Variants in CXADR observed in about 807,000 individuals in gnomAD.
The protein encoded by CXADR is coxsackievirus and adenovirus receptor.
CXADR carries 20 observed loss-of-function variants against 40.3 expected under a neutral mutation model. The observed-to-expected ratio is 0.50, with a 90% CI of 0.35 to 0.72. CXADR has a LOEUF of 0.72. CXADR is among the 30% of genes least tolerant of loss of function. The pLI, the probability that CXADR is intolerant of heterozygous loss-of-function variation, is 0.01. For missense variants in CXADR, 332 were observed against 449.1 expected (o/e 0.74, Z 2.36); for synonymous variants, 150 against 161.3 (o/e 0.93, Z 0.53).
chr21:17,616,212 C>T, the CXADR span, among the ~76,000 whole-genome samples: 3 of 151,224 alleles, frequency 2.0e-5, no homozygotes, highest in Non-Finnish European at 4.4e-5. Flanking sequence ...GATCATCGTG[C>T]TCTGCACTCC....
chr21:17,601,656 CCA>C, the CXADR span, among the ~76,000 whole-genome samples: 4 of 152,190 alleles, frequency 2.6e-5, no homozygotes, highest in Admixed American at 6.5e-5. Flanking sequence ...CATGTCCCCT[CCA>C]CAGTTGGAAG....
chr21:17,526,868 T>A (rs1208564604), intron 1 of CXADR, among the ~76,000 whole-genome samples: 1 of 152,204 alleles, frequency 6.6e-6, no homozygotes, highest in Non-Finnish European at 1.5e-5. Context: ...ATAGTCACTT[T>A]TCCTGTCTCA....
the CXADR span, among the ~76,000 whole-genome samples, chr21:17,628,667 A>C: frequency 6.6e-6 from 1 of 151,960 alleles, no homozygotes; most frequent in African/African-American, 2.4e-5. Context: ...CGCCCAGCTA[A>C]TTTTTTTGTA....
chr21:17,635,852 C>T, the CXADR span, among the ~76,000 whole-genome samples: 2 of 152,124 alleles, frequency 1.3e-5, no homozygotes, highest in South Asian at 4.1e-4. Context: ...TATTAGAATG[C>T]CTTGAATATA....
chr21:17,586,832 C>T (rs1160693602), intron 7 of CXADR, among the ~76,000 whole-genome samples: 1 of 152,058 alleles, frequency 6.6e-6, no homozygotes, highest in Non-Finnish European at 1.5e-5. Context: ...TGGTGTGCTG[C>T]ACTCATTAAC....
rs146055500 is a variant in CXADR, at chr21:17,548,616, C to T, written c.210+1423C>T. Among the ~76,000 whole-genome samples, 856 of 151,906 alleles carry T rather than the reference C, an allele frequency of 5.6e-3. 3 individuals are homozygous for T. Among genetic ancestry groups the T allele is most frequent in the African/African-American group, 0.02 (825 of 41,524 alleles). On this transcript the variant is annotated intron_variant, in intron 2 of 6. Coordinates refer to ENST00000284878, the MANE Select transcript of CXADR (RefSeq NM_001338.5). ...TAGAGCCCAGGACTCTGATCCTGTGCGTAAGATAGGGGAAGCCTAGGAACC... is the reference window on the plus strand; with the variant it reads ...TAGAGCCCAGGACTCTGATCCTGTGTGTAAGATAGGGGAAGCCTAGGAACC...
At chr21:17,620,895 T>C in the CXADR span, among the ~76,000 whole-genome samples, 2 of 152,210 alleles carry the variant, frequency 1.3e-5, no homozygotes, top group Non-Finnish European at 2.9e-5. Flanking sequence ...GTTCGAAATC[T>C]ACAGGGCAAG....
chr21:17,520,039 C>T (rs1408980445), intron 1 of CXADR, among the ~76,000 whole-genome samples: 1 of 151,962 alleles, frequency 6.6e-6, no homozygotes, highest in Non-Finnish European at 1.5e-5. Context: ...TATATATTTG[C>T]ACCTCAACCC....
chr21:17,632,595 T>C, the CXADR span, among the ~76,000 whole-genome samples: 2 of 152,148 alleles, frequency 1.3e-5, no homozygotes, highest in Non-Finnish European at 2.9e-5. Context: ...AGGCCGGGCG[T>C]GGTGGCTCAC....
In CXADR at chr21:17,560,012, C is replaced by T. The variant is rs139607643; in HGVS notation, c.572-690C>T. 5.6e-3 allele frequency among the ~76,000 whole-genome samples: 846 copies of T among 151,596 alleles called. 9 individuals are homozygous for T. Among genetic ancestry groups the T allele is most frequent in the South Asian group, 0.034 (164 of 4,812 alleles). On this transcript the variant is annotated intron_variant, in intron 4 of 6. Coordinates refer to ENST00000284878, the MANE Select transcript of CXADR (RefSeq NM_001338.5). ...TGATGAGACATGTTCATGATTACAA[C>T]TTAGATGGTGGCTAAAGTATAGTAA...
At chr21:17,596,362 G>A (rs2061503943), downstream of CXADR, among the ~76,000 whole-genome samples, 1 of 151,926 alleles carries the variant, frequency 6.6e-6, no homozygotes, top group Non-Finnish European at 1.5e-5. Context: ...ATATTTGCCT[G>A]TCACAAAATA....
At chr21:17,629,017 G>C in the CXADR span, among the ~76,000 whole-genome samples, 1 of 152,090 alleles carries the variant, frequency 6.6e-6, no homozygotes, top group Non-Finnish European at 1.5e-5. Flanking sequence ...GGGCTAAATA[G>C]TTGGGCATCC....
At chr21:17,560,885 G>A in intron 5 of CXADR, 61 bp downstream of exon 5, 1 of 1,596,244 alleles carries the variant, frequency 6.3e-7, no homozygotes, top group Admixed American at 1.7e-5. Flanking sequence ...ACCTCCTTTA[G>A]TTCAGTCAGC....
chr21:17,560,757 A>T lies in CXADR; in HGVS notation c.627A>T (p.Thr209=). ...VKNASSEYSG[T]YSCTVRNRVG... is the part of the protein sequence containing the mutation. The stretch of plus-strand genomic sequence containing the variant: ...ATGCCTCTTCTGAGTACTCTGGGAC[A>T]TACAGCTGTACAGTCAGAAACAGAG... Residue 209 remains threonine, a synonymous_variant, in exon 5 of 7, where the codon ACA becomes ACT. Coordinates refer to ENST00000284878, the MANE Select transcript of CXADR (RefSeq NM_001338.5). 1 of 1,613,996 alleles carries T rather than the reference A, an allele frequency of 6.2e-7. No homozygotes were observed. Among genetic ancestry groups the T allele is most frequent in the Non-Finnish European group, 8.5e-7 (1 of 1,179,944 alleles).
At chr21:17,538,994 A>G (rs117753438) in intron 1 of CXADR, among the ~76,000 whole-genome samples, 3 of 152,298 alleles carry the variant, frequency 2.0e-5, no homozygotes, top group Non-Finnish European at 4.4e-5. Flanking sequence ...GGAATGTATT[A>G]AAGAGGACAT....
At chr21:17,593,095 T>C (rs1033444793) in intron 7 of CXADR, 1 of 1,284,228 alleles carries the variant, frequency 7.8e-7, no homozygotes, top group Non-Finnish European at 1.0e-6. Context: ...TTTAAAAATT[T>C]ACCTTTGGAG....
chr21:17,530,641 C>T lies in CXADR; in HGVS notation c.44-16386C>T, dbSNP rs374128412. Among the ~76,000 whole-genome samples, 33 of 151,660 alleles carry T rather than the reference C, an allele frequency of 2.2e-4. 1 individual carries two copies. In the South Asian group the frequency reaches 2.9e-3, roughly 13 times the overall value. ...CCAACCTGGTCAACATGGTGAAACC[C>T]CTTCTCTACTAAAAATACAAAAATT... On this transcript the variant is annotated intron_variant, in intron 1 of 6. Coordinates refer to ENST00000284878, the MANE Select transcript of CXADR (RefSeq NM_001338.5).
chr21:17,569,012 G>A lies in CXADR; in HGVS notation c.*3320G>A, dbSNP rs1242655997. The A allele has an allele frequency of 1.0e-6, 1 of 984,186 alleles. No homozygotes were observed. The highest frequency in any genetic ancestry group is 1.2e-6 in the Non-Finnish European group (1 of 829,022). The allele number at this position is 984,186 out of a possible 1,614,324, so 61.0% of individuals were successfully genotyped here. A position where few individuals can be genotyped will look rare whatever the true frequency, so the allele number is the denominator to read the frequency against. Reference sequence around the variant, plus strand: ...TAAAAAGATACTTTTTCAAATTTAAGAGTTAATCTTGGAAATTTGGAACAA... The same window carrying A: ...TAAAAAGATACTTTTTCAAATTTAAAAGTTAATCTTGGAAATTTGGAACAA... On this transcript the variant is annotated 3_prime_UTR_variant, in exon 7 of 7. Coordinates refer to ENST00000284878, the MANE Select transcript of CXADR (RefSeq NM_001338.5).
chr21:17,526,905 G>A (rs1311416606), intron 1 of CXADR, among the ~76,000 whole-genome samples: 1 of 152,114 alleles, frequency 6.6e-6, no homozygotes, highest in Non-Finnish European at 1.5e-5. Flanking sequence ...AGAGAAGCGA[G>A]CTGCAAGTTT....
Sources: allele counts gnomAD v4.1 joint callset (sites outside exome capture counted in the v4.1 genomes callset), GRCh38; gene constraint gnomAD v4.1.1; transcripts MANE v1.5; gene names NCBI Gene and HGNC (gene_info 2026-07-23, HGNC 2026-07-21).